STPG2: variants seen among roughly 807,000 people sequenced by gnomAD.
STPG2 encodes the protein sperm tail PG-rich repeat containing 2, also known as sperm-tail PG-rich repeat-containing protein 2.
STPG2 carries 56 observed loss-of-function variants against 54.2 expected under a neutral mutation model. That is an observed-to-expected ratio of 1.03 (90% CI 0.83 to 1.29). STPG2 has a LOEUF of 1.29. STPG2 is among the 50% of genes most tolerant of loss of function. The pLI is 0.00. For missense variants in STPG2, 596 were observed against 544.9 expected (o/e 1.09, Z -0.93); for synonymous variants, 200 against 181.8 (o/e 1.10, Z -0.81).
At chr4:97,551,429 G>A (rs557834957) in intron 4 of STPG2, among the ~76,000 whole-genome samples, 1 of 152,130 alleles carries the variant, frequency 6.6e-6, no homozygotes, top group Non-Finnish European at 1.5e-5. Flanking sequence ...ACTGAGTAAT[G>A]TGTACAAAGC....
At chr4:97,921,869 C>T (rs948034365) in intron 8 of STPG2, among the ~76,000 whole-genome samples, 5 of 152,020 alleles carry the variant, frequency 3.3e-5, no homozygotes, top group Non-Finnish European at 7.4e-5. Context: ...CTGTCATTTG[C>T]AACAATATGA....
downstream of STPG2, among the ~76,000 whole-genome samples, chr4:97,554,469 A>G (rs752824447): frequency 1.3e-5 from 2 of 152,056 alleles, no homozygotes; most frequent in African/African-American, 2.4e-5. Flanking sequence ...TGTGTCCTGA[A>G]CCTTCTTTCT....
intron 10 of STPG2, among the ~76,000 whole-genome samples, chr4:97,664,462 G>C (rs1269496846): frequency 6.6e-6 from 1 of 152,178 alleles, no homozygotes; most frequent in African/African-American, 2.4e-5. Flanking sequence ...TTACTTGTAA[G>C]TGCTAAAGCT....
At chr4:97,618,735 T>C (rs1733933253) in intron 10 of STPG2, among the ~76,000 whole-genome samples, 1 of 152,172 alleles carries the variant, frequency 6.6e-6, no homozygotes, top group Non-Finnish European at 1.5e-5. Flanking sequence ...ACTTGCTAGG[T>C]TCAATTTGAG....
At chr4:97,905,613 C>A (rs200786061) in intron 8 of STPG2, among the ~76,000 whole-genome samples, 7 of 151,930 alleles carry the variant, frequency 4.6e-5, no homozygotes, top group Admixed American at 2.6e-4. Context: ...ACAATATTAA[C>A]TTTAAATGTA....
chr4:98,078,323 A>C (rs35951881), intron 5 of STPG2, among the ~76,000 whole-genome samples: 60,107 of 151,918 alleles, frequency 0.4, 12,129 homozygotes, highest in Middle Eastern at 0.46. Context: ...AAATTCCACC[A>C]CTAGTTAGCA....
At chr4:97,633,065 T>C (rs2148934757) in intron 10 of STPG2, among the ~76,000 whole-genome samples, 1 of 152,282 alleles carries the variant, frequency 6.6e-6, no homozygotes, top group Middle Eastern at 3.4e-3. Context: ...TCAACCATGT[T>C]ACAATATGCA....
At chr4:97,789,565 T>G (rs1726929298) in intron 9 of STPG2, among the ~76,000 whole-genome samples, 1 of 152,200 alleles carries the variant, frequency 6.6e-6, no homozygotes, top group African/African-American at 2.4e-5. Flanking sequence ...AGTGATAAAC[T>G]GTAAGTGCCA....
intron 4 of STPG2, among the ~76,000 whole-genome samples, chr4:97,511,832 C>A (rs562314417): frequency 1.3e-5 from 2 of 151,370 alleles, no homozygotes; most frequent in African/African-American, 4.9e-5. Flanking sequence ...TGAGCTGGTA[C>A]GATTTTGCAA....
intron 8 of STPG2, among the ~76,000 whole-genome samples, chr4:97,877,345 A>G (rs963277087): frequency 8.5e-5 from 13 of 152,204 alleles, no homozygotes; most frequent in Non-Finnish European, 1.8e-4. Flanking sequence ...TGGGCAAAGG[A>G]CATGAACACA....
At chr4:97,483,564 A>C (rs574895952) in intron 4 of STPG2, among the ~76,000 whole-genome samples, 25 of 151,936 alleles carry the variant, frequency 1.6e-4, no homozygotes, top group African/African-American at 4.1e-4. Flanking sequence ...GGAGCTCCCA[A>C]ATTTATAAAA....
rs923880882 is a variant in STPG2, at chr4:98,111,392, T to C, written c.388-2087A>G. Among the ~76,000 whole-genome samples, 6 of 152,228 alleles carry C rather than the reference T, an allele frequency of 3.9e-5. No individual in the cohort carries two copies. In the East Asian group the frequency reaches 9.7e-4, roughly 24 times the overall value. The stretch of plus-strand genomic sequence containing the variant: ...GAGAATGCTAACCTCCACTTTATTA[T>C]TGGCAGATGTAGTTGAAACTAAATT... On this transcript the variant is annotated intron_variant, in intron 3 of 10. Coordinates refer to ENST00000295268, the MANE Select transcript of STPG2 (RefSeq NM_174952.3).
intron 10 of STPG2, among the ~76,000 whole-genome samples, chr4:97,703,774 T>TTG (rs1377835748): frequency 7.5e-5 from 11 of 145,816 alleles, no homozygotes; most frequent in East Asian, 5.9e-4. Context: ...CATAGTATAT[T>TTG]TGTGTGTGTG....
chr4:97,562,856 G>A (rs969906276), intron 10 of STPG2, among the ~76,000 whole-genome samples: 3 of 152,078 alleles, frequency 2.0e-5, no homozygotes, highest in Non-Finnish European at 4.4e-5. Flanking sequence ...ATATTTTATC[G>A]AGGATTTTTG....
intron 5 of STPG2, chr4:98,026,249 G>T (rs1736416542): frequency 1.3e-5 from 12 of 935,182 alleles, no homozygotes; most frequent in Non-Finnish European, 1.5e-5. Context: ...GAGCTCAGGA[G>T]TGGGCTGCTG....
In STPG2 at chr4:98,068,061, T is replaced by C. The variant is rs182746428; in HGVS notation, c.612+37892A>G. Among the ~76,000 whole-genome samples the C allele has an allele frequency of 1.3e-3, 194 of 152,262 alleles. 1 individual carries two copies. The highest frequency in any genetic ancestry group is 4.5e-3 in the African/African-American group (187 of 41,560). On this transcript the variant is annotated intron_variant, in intron 5 of 10. Transcript: ENST00000295268. ...AAAAGTTGTTGGTTTTTCAAAGTAA[T>C]TCATAATCTTTTGTATACCTCCTTT...
intron 4 of STPG2, among the ~76,000 whole-genome samples, chr4:97,535,400 T>C (rs1311243852): frequency 6.6e-6 from 1 of 152,176 alleles, no homozygotes; most frequent in East Asian, 1.9e-4. Flanking sequence ...ATAAAGAACT[T>C]CAGTTTAAAG....
chr4:97,800,233 G>A (rs999543138), intron 9 of STPG2, among the ~76,000 whole-genome samples: 35 of 152,332 alleles, frequency 2.3e-4, no homozygotes, highest in Admixed American at 6.5e-4. Context: ...AAGGAGCTGC[G>A]TTCCTTTGGA....
chr4:97,767,251 T>A (rs1267551735), intron 9 of STPG2, among the ~76,000 whole-genome samples: 1 of 152,192 alleles, frequency 6.6e-6, no homozygotes, highest in Non-Finnish European at 1.5e-5. Context: ...ACAATGTGTT[T>A]GTTTAATCAG....
Sources: gnomAD v4.1 joint callset for allele counts (sites outside exome capture counted in the v4.1 genomes callset) on GRCh38, gnomAD v4.1.1 for gene constraint, MANE v1.5 for transcripts, NCBI Gene and HGNC (gene_info 2026-07-23, HGNC 2026-07-21) for gene names.